DLGAP2: variants seen among roughly 807,000 people sequenced by gnomAD.
The protein encoded by DLGAP2 is disks large-associated protein 2.
DLGAP2 carries 26 observed loss-of-function variants against 100.3 expected under a neutral mutation model. That is an observed-to-expected ratio of 0.26 (90% CI 0.19 to 0.36). The LOEUF (loss-of-function observed/expected upper bound fraction) is 0.36, where lower values mean the gene tolerates loss of function less well. DLGAP2 is among the 10% of genes least tolerant of loss of function. The probability of loss-of-function intolerance (pLI) is 1.00; values close to 1 mark genes in which losing one functional copy is unlikely to be tolerated. For missense variants in DLGAP2, 1,858 were observed against 1,453.2 expected, an observed-to-expected ratio of 1.28 and a Z score of -4.53; for synonymous variants, 886 against 630.1, an observed-to-expected ratio of 1.41 and a Z score of -6.08.
At chr8:1,516,202 A>T (rs989317544) in intron 4 of DLGAP2, among the ~76,000 whole-genome samples, 12 of 151,920 alleles carry the variant, frequency 7.9e-5, no homozygotes, top group African/African-American at 2.4e-5. Context: ...AGAATGAGTG[A>T]ATGTGTGCAT....
intron 2 of DLGAP2, among the ~76,000 whole-genome samples, chr8:957,313 G>T (rs1007627050): frequency 6.6e-6 from 1 of 152,242 alleles, no homozygotes. Context: ...AGGAGCCAGG[G>T]AAACCCAAGG....
chr8:1,044,971 G>T (rs1022119867), intron 2 of DLGAP2, among the ~76,000 whole-genome samples: 3 of 152,256 alleles, frequency 2.0e-5, no homozygotes, highest in African/African-American at 7.2e-5. Flanking sequence ...AGAGGAATAT[G>T]CTTACCTTCA....
chr8:1,526,954 G>A (rs981718258), intron 4 of DLGAP2, among the ~76,000 whole-genome samples: 5 of 152,228 alleles, frequency 3.3e-5, no homozygotes, highest in Non-Finnish European at 5.9e-5. Flanking sequence ...GTGTGGCCTC[G>A]AGTTAGGCTG....
intron 1 of DLGAP2, among the ~76,000 whole-genome samples, chr8:786,005 G>A (rs1254047425): frequency 1.3e-5 from 2 of 152,228 alleles, no homozygotes; most frequent in South Asian, 2.1e-4. Flanking sequence ...CACCGTCACC[G>A]AGGGCTGTGA....
intron 2 of DLGAP2, among the ~76,000 whole-genome samples, chr8:1,106,268 C>T (rs115364242): frequency 0.072 from 10,573 of 147,360 alleles, 1,070 homozygotes; most frequent in African/African-American, 0.23. Flanking sequence ...GGAGGGCATT[C>T]TAGGAGGGTT....
At chr8:1,291,663 T>A (rs541662266) in intron 3 of DLGAP2, among the ~76,000 whole-genome samples, 2 of 152,304 alleles carry the variant, frequency 1.3e-5, no homozygotes, top group East Asian at 1.9e-4. Flanking sequence ...TATCTTCCAG[T>A]TTAAAATCTA....
At chr8:832,772 G>C (rs920977413) in intron 1 of DLGAP2, among the ~76,000 whole-genome samples, 3 of 152,224 alleles carry the variant, frequency 2.0e-5, no homozygotes, top group African/African-American at 4.8e-5. Context: ...CACATGCTGA[G>C]AGCCTCTGCT....
At chr8:943,058 C>T (rs565010762) in intron 2 of DLGAP2, among the ~76,000 whole-genome samples, 11 of 152,128 alleles carry the variant, frequency 7.2e-5, no homozygotes, top group East Asian at 1.9e-4. Context: ...GACCACAATC[C>T]GAATTCCTGA....
intron 3 of DLGAP2, among the ~76,000 whole-genome samples, chr8:1,480,795 G>A (rs1019445668): frequency 6.6e-6 from 1 of 151,702 alleles, no homozygotes; most frequent in Non-Finnish European, 1.5e-5. Flanking sequence ...GAACCCGGGA[G>A]GCAGAGGTTG....
At chr8:854,637 T>G (rs1563064987) in intron 1 of DLGAP2, among the ~76,000 whole-genome samples, 1 of 152,168 alleles carries the variant, frequency 6.6e-6, no homozygotes, top group Non-Finnish European at 1.5e-5. Flanking sequence ...ACGTGTCTTT[T>G]TGTGTGTGCA....
At chr8:960,404 GTA>G (rs1031455960) in intron 2 of DLGAP2, among the ~76,000 whole-genome samples, 2 of 151,454 alleles carry the variant, frequency 1.3e-5, no homozygotes, top group African/African-American at 4.9e-5. Flanking sequence ...CCAGCTGTTT[GTA>G]TTTTTAGTAG....
rs113563645 is a variant in DLGAP2 at position 1,476,625 on chromosome 8, C to A, written c.107-24741C>A. On this transcript the variant is annotated intron_variant, in intron 3 of 14. Coordinates refer to ENST00000637795, the MANE Select transcript of DLGAP2 (RefSeq NM_001346810.2). The stretch of plus-strand genomic sequence containing the variant: ...ATTCCTCAGAAGCCAGTCTCTCCCC[C>A]TCTCCTGGAGCCGGACCCACCCGTG... Among the ~76,000 whole-genome samples the A allele has an allele frequency of 8.1e-3, 1,232 of 152,300 alleles. 15 individuals carry two copies. The highest frequency in any genetic ancestry group is 0.028 in the African/African-American group (1,159 of 41,542).
intron 6 of DLGAP2, among the ~76,000 whole-genome samples, chr8:1,597,024 C>T (rs189616133): frequency 9.9e-5 from 15 of 152,276 alleles, no homozygotes; most frequent in African/African-American, 3.6e-4. Flanking sequence ...TTTTATCCAT[C>T]TTGAGTTAAT....
At chr8:1,415,852 G>A (rs936567423) in intron 3 of DLGAP2, among the ~76,000 whole-genome samples, 3 of 152,166 alleles carry the variant, frequency 2.0e-5, no homozygotes, top group African/African-American at 4.8e-5. Flanking sequence ...TGGGATTGCT[G>A]ATTTAAGTTC....
chr8:1,047,975 T>G (rs1242675491), intron 2 of DLGAP2, among the ~76,000 whole-genome samples: 1 of 152,214 alleles, frequency 6.6e-6, no homozygotes, highest in African/African-American at 2.4e-5. Flanking sequence ...CTTTCTTTTA[T>G]GTTTGAAAAC....
At chr8:1,127,139 C>T (rs1168908715) in intron 2 of DLGAP2, among the ~76,000 whole-genome samples, 1 of 148,234 alleles carries the variant, frequency 6.7e-6, no homozygotes, top group African/African-American at 2.5e-5. Context: ...TCCTGGAGCT[C>T]ATGAGGGACC....
intron 8 of DLGAP2, among the ~76,000 whole-genome samples, chr8:1,658,055 G>T (rs1280764814): frequency 6.6e-6 from 1 of 152,122 alleles, no homozygotes; most frequent in Middle Eastern, 3.2e-3. Flanking sequence ...GTGGTGATTG[G>T]CTTACATAGG....
intron 1 of DLGAP2, among the ~76,000 whole-genome samples, chr8:888,718 G>A (rs1220051301): frequency 1.3e-5 from 2 of 152,048 alleles, no homozygotes; most frequent in East Asian, 3.9e-4. Flanking sequence ...ATGTCACTCA[G>A]GGAGGCTGGA....
At chr8:1,614,575 G>A (rs1261319623) in intron 6 of DLGAP2, among the ~76,000 whole-genome samples, 3 of 152,294 alleles carry the variant, frequency 2.0e-5, no homozygotes, top group East Asian at 1.9e-4. Context: ...CACGAGCTCC[G>A]GGGACTCTGG....
Sources: allele counts gnomAD v4.1 joint callset (sites outside exome capture counted in the v4.1 genomes callset), GRCh38; gene constraint gnomAD v4.1.1; transcripts MANE v1.5; gene names NCBI Gene and HGNC (gene_info 2026-07-23, HGNC 2026-07-21).